ELMO1: variants seen among roughly 807,000 people sequenced by gnomAD.
The protein encoded by ELMO1 is engulfment and cell motility protein 1.
A neutral mutation model predicts 98.9 loss-of-function variants in ELMO1; 26 were observed. That is an observed-to-expected ratio of 0.26 (90% CI 0.19 to 0.36). The LOEUF is 0.36. Among genes scored for constraint, ELMO1 ranks in the 10% least tolerant of loss-of-function variants. The probability of loss-of-function intolerance (pLI) is 1.00; values close to 1 mark genes in which losing one functional copy is unlikely to be tolerated. For synonymous variants in ELMO1, 346 were observed against 346.0 expected (o/e 1.00, Z 0.00); for missense variants, 627 against 935.2 (o/e 0.67, Z 4.30).
intron 9 of ELMO1, among the ~76,000 whole-genome samples, chr7:37,224,043 C>G (rs1793736223): frequency 6.6e-6 from 1 of 152,186 alleles, no homozygotes; most frequent in Non-Finnish European, 1.5e-5. Context: ...AGGCCATCTG[C>G]TGAGGACTCC....
chr7:37,061,766 G>A (rs904464971), intron 15 of ELMO1, among the ~76,000 whole-genome samples: 2 of 152,086 alleles, frequency 1.3e-5, no homozygotes, highest in African/African-American at 4.8e-5. Context: ...TAAATACACC[G>A]AATGGCATCA....
chr7:37,091,613 A>C (rs572627814), intron 15 of ELMO1, among the ~76,000 whole-genome samples: 3 of 152,156 alleles, frequency 2.0e-5, no homozygotes, highest in African/African-American at 2.4e-5. Flanking sequence ...CCCTGCACAC[A>C]CAGGGTCAGT....
intron 5 of ELMO1, among the ~76,000 whole-genome samples, chr7:37,263,931 C>T (rs537275173): frequency 1.3e-5 from 2 of 152,246 alleles, no homozygotes; most frequent in Admixed American, 1.3e-4. Context: ...ATGTGTGGTA[C>T]ATTTGGAGCC....
intron 15 of ELMO1, among the ~76,000 whole-genome samples, chr7:37,057,156 A>G (rs1385310850): frequency 6.6e-6 from 1 of 152,174 alleles, no homozygotes; most frequent in Non-Finnish European, 1.5e-5. Context: ...GGGAAATTAT[A>G]TTACCAATCG....
rs138678302 is a variant in ELMO1, at chr7:37,236,646, T to C, written c.450-3452A>G. On this transcript the variant is annotated intron_variant, in intron 7 of 21. Coordinates refer to ENST00000310758, the MANE Select transcript of ELMO1 (RefSeq NM_014800.11). ...CATATTCTGTATATAACATATTCAT[T>C]AGGACCGGTTGCTGGGTGACATAGT... Among the ~76,000 whole-genome samples the C allele has an allele frequency of 9.0e-3, 1,374 of 152,326 alleles. 25 individuals carry two copies. Among genetic ancestry groups the C allele is most frequent in the African/African-American group, 0.032 (1,320 of 41,554 alleles).
chr7:37,403,812 C>T (rs1046043056), intron 1 of ELMO1, among the ~76,000 whole-genome samples: 2 of 152,176 alleles, frequency 1.3e-5, no homozygotes, highest in Non-Finnish European at 2.9e-5. Context: ...TCCCAAAGTG[C>T]TGGGATTACG....
intron 20 of ELMO1, 68 bp from the exon 21 acceptor site, chr7:36,861,804 G>T: frequency 6.9e-7 from 1 of 1,459,522 alleles, no homozygotes; most frequent in Non-Finnish European, 9.6e-7. Context: ...GTTGCAAATG[G>T]CTGCACATTG....
intron 16 of ELMO1, among the ~76,000 whole-genome samples, chr7:36,929,558 C>T (rs1056141629): frequency 6.6e-6 from 1 of 152,094 alleles, no homozygotes. Context: ...ATTAAGCATG[C>T]TTTATGGTCT....
chr7:36,998,604 T>C (rs1355209739), intron 16 of ELMO1, among the ~76,000 whole-genome samples: 2 of 152,032 alleles, frequency 1.3e-5, no homozygotes, highest in African/African-American at 2.4e-5. Flanking sequence ...AAAGTCACAG[T>C]AAAAAAAATT....
intron 1 of ELMO1, among the ~76,000 whole-genome samples, chr7:37,377,686 C>G (rs1290768350): frequency 6.6e-6 from 1 of 152,104 alleles, no homozygotes; most frequent in South Asian, 2.1e-4. Flanking sequence ...AAGGGATTAA[C>G]AGCCCACCAA....
chr7:36,937,408 C>A (rs1490653316), intron 16 of ELMO1, among the ~76,000 whole-genome samples: 4 of 152,172 alleles, frequency 2.6e-5, no homozygotes, highest in African/African-American at 9.7e-5. Context: ...CTGTGAAAGG[C>A]AAGGAGAGAT....
chr7:37,049,448 T>C lies in ELMO1; in HGVS notation c.1301-36013A>G, dbSNP rs143166893. On this transcript the variant is annotated intron_variant, in intron 15 of 21. Coordinates refer to ENST00000310758, the MANE Select transcript of ELMO1 (RefSeq NM_014800.11). ...TCTCTTCTCCTTTTGCATTTCAGCT[T>C]TTCCCTTCCAAAGGAAACCATGGGC... Among the ~76,000 whole-genome samples the C allele has an allele frequency of 3.9e-3, 600 of 152,288 alleles. 4 individuals carry two copies. Among genetic ancestry groups the C allele is most frequent in the Admixed American group, 7.3e-3 (111 of 15,298 alleles).
chr7:37,258,281 C>A (rs1015133301), intron 6 of ELMO1, among the ~76,000 whole-genome samples: 4 of 148,462 alleles, frequency 2.7e-5, no homozygotes, highest in Non-Finnish European at 1.5e-5. Context: ...AAACAAAAAA[C>A]AAAAAAAAAA....
rs545666268 is a variant in ELMO1, at chr7:36,882,590, T to A, written c.1715-4473A>T. On this transcript the variant is annotated intron_variant, in intron 18 of 21. Transcript: ENST00000310758. ...CGGAGTCCCTAGGTACTTTCCAAGA[T>A]GATTTGGTCTAACAGGTGCCTTGAA... Among the ~76,000 whole-genome samples the A allele has an allele frequency of 3.3e-5, 5 of 152,368 alleles. No homozygotes were observed. The South Asian group carries it at 1.0e-3, about 32-fold the overall frequency.
intron 13 of ELMO1, among the ~76,000 whole-genome samples, chr7:37,142,145 G>A (rs1408760504): frequency 4.6e-5 from 7 of 152,114 alleles, no homozygotes; most frequent in African/African-American, 9.7e-5. Context: ...AAACCATTCC[G>A]CATGTCAAAT....
Position 37,182,036 on chromosome 7 carries a change from A to G in ELMO1, c.1086+29350T>C, listed in dbSNP as rs557804440. On this transcript the variant is annotated intron_variant, in intron 13 of 21. Transcript: ENST00000310758. ...CCTCTCAAATAAGAAAAAAAAAATT[A>G]AAAACACATTTACATCCGTTTTGCC... 3.1e-4 allele frequency among the ~76,000 whole-genome samples: 47 copies of G among 149,772 alleles called. 1 individual carries two copies. The South Asian group carries it at 8.7e-3, about 28-fold the overall frequency.
At chr7:37,156,881 C>G (rs1368658174) in intron 13 of ELMO1, among the ~76,000 whole-genome samples, 1 of 152,148 alleles carries the variant, frequency 6.6e-6, no homozygotes, top group East Asian at 1.9e-4. Context: ...GAATTTTAGG[C>G]CAATATCCCT....
intron 16 of ELMO1, among the ~76,000 whole-genome samples, chr7:36,949,009 C>A (rs530895011): frequency 6.6e-6 from 1 of 152,194 alleles, no homozygotes; most frequent in Non-Finnish European, 1.5e-5. Context: ...GTGCCTGCCA[C>A]TACGCCCAGC....
At chr7:36,909,684 T>C (rs1175652155) in intron 16 of ELMO1, among the ~76,000 whole-genome samples, 1 of 152,244 alleles carries the variant, frequency 6.6e-6, no homozygotes, top group Non-Finnish European at 1.5e-5. Context: ...AAAGTATTTT[T>C]GGTTTATTTG....
Sources: gnomAD v4.1 joint callset for allele counts (sites outside exome capture counted in the v4.1 genomes callset) on GRCh38, gnomAD v4.1.1 for gene constraint, MANE v1.5 for transcripts, NCBI Gene and HGNC (gene_info 2026-07-23, HGNC 2026-07-21) for gene names.